STXBP6: variants seen among roughly 807,000 people sequenced by gnomAD.
The protein encoded by STXBP6 is syntaxin-binding protein 6.
In STXBP6, 21 loss-of-function variants were observed where a neutral mutation model predicts 26.9. The observed-to-expected ratio is 0.78, with a 90% CI of 0.55 to 1.12. STXBP6 has a LOEUF of 1.12. Among genes scored for constraint, STXBP6 ranks in the 50% most tolerant of loss-of-function variants. The pLI is 0.00. For synonymous variants in STXBP6, 97 were observed against 92.6 expected, an observed-to-expected ratio of 1.05 and a Z score of -0.27; for missense variants, 232 against 257.9, an observed-to-expected ratio of 0.90 and a Z score of 0.69.
intron 1 of STXBP6, among the ~76,000 whole-genome samples, chr14:25,035,879 G>A (rs10141316): frequency 0.3 from 45,984 of 151,982 alleles, 7,334 homozygotes; most frequent in African/African-American, 0.41. Flanking sequence ...CTATGTAGTC[G>A]CAGGAGAAAC....
At chr14:24,973,073 G>A (rs1400143937) in intron 2 of STXBP6, among the ~76,000 whole-genome samples, 1 of 152,100 alleles carries the variant, frequency 6.6e-6, no homozygotes, top group Non-Finnish European at 1.5e-5. Context: ...AGCCATGGTT[G>A]TGCTACTACA....
intron 1 of STXBP6, among the ~76,000 whole-genome samples, chr14:24,990,519 G>A (rs531800273): frequency 1.2e-4 from 18 of 152,114 alleles, no homozygotes; most frequent in South Asian, 4.2e-4. Context: ...TTAGCCGGGC[G>A]TGATGGTGCA....
chr14:24,817,966 G>C (rs544080123), intron 5 of STXBP6: 5 of 441,662 alleles, frequency 1.1e-5, no homozygotes, highest in Non-Finnish European at 2.3e-5. Flanking sequence ...TCCCCAGCTG[G>C]ACCTGAGCGT....
intron 2 of STXBP6, among the ~76,000 whole-genome samples, chr14:24,893,669 G>C (rs1394200745): frequency 6.6e-6 from 1 of 152,158 alleles, no homozygotes; most frequent in Non-Finnish European, 1.5e-5. Context: ...ATAAAAATTA[G>C]GGCTACAGGG....
At chr14:24,957,882 A>G (rs72682961) in intron 2 of STXBP6, among the ~76,000 whole-genome samples, 2,090 of 152,296 alleles carry the variant, frequency 0.014, 32 homozygotes, top group Non-Finnish European at 0.018. Flanking sequence ...AGTTACTTTG[A>G]TTCTGGAAAT....
intron 2 of STXBP6, among the ~76,000 whole-genome samples, chr14:24,952,359 A>T (rs1337734520): frequency 1.3e-5 from 2 of 151,926 alleles, no homozygotes; most frequent in African/African-American, 2.4e-5. Flanking sequence ...CACGTAGTTA[A>T]TCTGTCGGCA....
chr14:25,024,024 T>C (rs1275377735), intron 1 of STXBP6, among the ~76,000 whole-genome samples: 1 of 152,002 alleles, frequency 6.6e-6, no homozygotes, highest in East Asian at 1.9e-4. Flanking sequence ...ATAAAACACA[T>C]CTTGGCCGGG....
At chr14:24,849,409 C>T (rs931223041) in intron 4 of STXBP6, among the ~76,000 whole-genome samples, 2 of 152,012 alleles carry the variant, frequency 1.3e-5, no homozygotes, top group Non-Finnish European at 2.9e-5. Context: ...TTGGTGTCAT[C>T]CCCCCTTTTG....
intron 2 of STXBP6, among the ~76,000 whole-genome samples, chr14:24,858,222 C>G (rs373610876): frequency 4.4e-4 from 67 of 152,204 alleles, no homozygotes; most frequent in African/African-American, 1.5e-3. Flanking sequence ...AGCACCTACT[C>G]CAATCACAGT....
intron 1 of STXBP6, among the ~76,000 whole-genome samples, chr14:24,985,688 A>G (rs1255006604): frequency 3.3e-5 from 5 of 152,238 alleles, no homozygotes; most frequent in African/African-American, 1.2e-4. Flanking sequence ...TACTTTACGG[A>G]GAAGGATCTC....
intron 1 of STXBP6, among the ~76,000 whole-genome samples, chr14:25,032,726 C>A (rs1376825770): frequency 6.6e-6 from 1 of 152,156 alleles, no homozygotes; most frequent in Non-Finnish European, 1.5e-5. Context: ...CACAAAGTTA[C>A]CAAATACATA....
chr14:24,854,795 A>C lies in STXBP6; in HGVS notation c.451+1141T>G, dbSNP rs182770080. ...ATTTTCCAAATAGGTCAGTGTTTGA[A>C]ATTCCCTTTCCTTTAAACATCTATG... On this transcript the variant is annotated intron_variant, in intron 4 of 5. Transcript: ENST00000323944. Among the ~76,000 whole-genome samples the C allele has an allele frequency of 1.3e-3, 195 of 152,170 alleles. 1 individual carries two copies. The highest frequency in any genetic ancestry group is 1.6e-3 in the Non-Finnish European group (112 of 67,962).
At chr14:24,938,322 A>G (rs2072675068) in intron 2 of STXBP6, among the ~76,000 whole-genome samples, 1 of 152,166 alleles carries the variant, frequency 6.6e-6, no homozygotes, top group Non-Finnish European at 1.5e-5. Context: ...GTAATAGCTA[A>G]TTCAGTCAGG....
At chr14:24,886,031 A>G (rs2139477025) in intron 2 of STXBP6, among the ~76,000 whole-genome samples, 1 of 152,280 alleles carries the variant, frequency 6.6e-6, no homozygotes, top group East Asian at 1.9e-4. Context: ...ATGTTAACAC[A>G]TTGCCTGGTC....
At chr14:25,027,201 T>C (rs190516640) in intron 1 of STXBP6, among the ~76,000 whole-genome samples, 8 of 152,364 alleles carry the variant, frequency 5.3e-5, no homozygotes, top group African/African-American at 1.9e-4. Context: ...AGATATTTTA[T>C]ATTTTACAAA....
intron 1 of STXBP6, among the ~76,000 whole-genome samples, chr14:25,036,063 CA>C (rs1382771466): frequency 6.6e-6 from 1 of 151,680 alleles, no homozygotes; most frequent in Non-Finnish European, 1.5e-5. Flanking sequence ...ACAAAAAATA[CA>C]AAAAGTAGCC....
chr14:24,858,102 T>A (rs1467826269), intron 2 of STXBP6, among the ~76,000 whole-genome samples: 2 of 152,136 alleles, frequency 1.3e-5, no homozygotes, highest in East Asian at 3.8e-4. Context: ...AGACTATGCA[T>A]CTGTGGCATA....
chr14:25,018,896 G>T (rs554729915), intron 1 of STXBP6, among the ~76,000 whole-genome samples: 2 of 152,256 alleles, frequency 1.3e-5, no homozygotes, highest in East Asian at 3.9e-4. Flanking sequence ...ATTATTCTTG[G>T]CAGTTTACAA....
intron 1 of STXBP6, among the ~76,000 whole-genome samples, chr14:25,038,151 G>A (rs77860416): frequency 0.12 from 18,547 of 152,126 alleles, 1,197 homozygotes; most frequent in Middle Eastern, 0.15. Context: ...GGTGATAAGC[G>A]AAAGACAAGC....
Sources: allele counts gnomAD v4.1 joint callset (sites outside exome capture counted in the v4.1 genomes callset), GRCh38; gene constraint gnomAD v4.1.1; transcripts MANE v1.5; gene names NCBI Gene and HGNC (gene_info 2026-07-23, HGNC 2026-07-21).